CSGALNACT1: variants seen among roughly 807,000 people sequenced by gnomAD.
The protein encoded by CSGALNACT1 is beta4GalNAcT-1.
A neutral mutation model predicts 51.0 loss-of-function variants in CSGALNACT1; 52 were observed. The ratio of observed to expected loss-of-function variants is 1.02; its 90% CI spans 0.82 to 1.29. The LOEUF is 1.29. Among genes scored for constraint, CSGALNACT1 ranks in the 50% most tolerant of loss-of-function variants. The pLI, the probability that CSGALNACT1 is intolerant of heterozygous loss-of-function variation, is 0.00. For synonymous variants in CSGALNACT1, 341 were observed against 254.4 expected (o/e 1.34, Z -3.24); for missense variants, 935 against 679.2 (o/e 1.38, Z -4.19).
At chr8:19,635,081 T>C (rs1323560353) in intron 1 of CSGALNACT1, among the ~76,000 whole-genome samples, 1 of 152,192 alleles carries the variant, frequency 6.6e-6, no homozygotes, top group African/African-American at 2.4e-5. Context: ...AATTAAGTGG[T>C]TATGGTCCTT....
At chr8:19,664,359 A>C (rs912008713) in intron 1 of CSGALNACT1, among the ~76,000 whole-genome samples, 4 of 152,220 alleles carry the variant, frequency 2.6e-5, no homozygotes, top group African/African-American at 9.6e-5. Context: ...GGAGGTGCAG[A>C]AAAGGCAACA....
At chr8:19,612,946 G>GAAAAAAAAAAAAAAAAAAAAAAAAAAAA (rs1165754811) in intron 1 of CSGALNACT1, among the ~76,000 whole-genome samples, 1 of 15,428 alleles carries the variant, frequency 6.5e-5, no homozygotes, top group African/African-American at 1.4e-4. Flanking sequence ...AAAGCAGCTG[G>GAAAAAAAAAAAAAAAAAAAAAAAAAAAA]AAAAAAAAAA....
chr8:19,742,674 A>G (rs1474053144), intron 1 of CSGALNACT1, among the ~76,000 whole-genome samples: 1 of 152,230 alleles, frequency 6.6e-6, no homozygotes, highest in East Asian at 1.9e-4. Flanking sequence ...ATATCACCCT[A>G]GACAGATGCA....
At chr8:19,571,538 A>G (rs6980558) in intron 3 of CSGALNACT1, among the ~76,000 whole-genome samples, 20,040 of 151,596 alleles carry the variant, frequency 0.13, 1,669 homozygotes, top group African/African-American at 0.24. Context: ...CCCAACTAAT[A>G]TGGCTAATAC....
chr8:19,562,755 G>A (rs1351238495), intron 3 of CSGALNACT1, among the ~76,000 whole-genome samples: 1 of 152,146 alleles, frequency 6.6e-6, no homozygotes, highest in Non-Finnish European at 1.5e-5. Context: ...AGTCAGAATG[G>A]TGATTATTAC....
intron 6 of CSGALNACT1, among the ~76,000 whole-genome samples, chr8:19,432,785 A>G (rs2059830987): frequency 6.6e-6 from 1 of 152,154 alleles, no homozygotes; most frequent in African/African-American, 2.4e-5. Flanking sequence ...TCTTTTAAAT[A>G]GTTTCTACTT....
intron 4 of CSGALNACT1, among the ~76,000 whole-genome samples, chr8:19,497,535 G>C (rs1258990236): frequency 2.0e-5 from 3 of 152,092 alleles, no homozygotes; most frequent in Non-Finnish European, 2.9e-5. Flanking sequence ...ATCTGACGGA[G>C]AATTTAAAAC....
chr8:19,639,463 T>TA (rs1263289368), intron 1 of CSGALNACT1, among the ~76,000 whole-genome samples: 1 of 152,212 alleles, frequency 6.6e-6, no homozygotes, highest in Admixed American at 6.5e-5. Context: ...AAAGAGTTGC[T>TA]AAAATCTACT....
At chr8:19,496,989 C>T (rs748917604) in intron 4 of CSGALNACT1, among the ~76,000 whole-genome samples, 5 of 152,110 alleles carry the variant, frequency 3.3e-5, no homozygotes, top group Non-Finnish European at 5.9e-5. Flanking sequence ...CTCCCCCTCC[C>T]GCCTCCCCTC....
intron 1 of CSGALNACT1, among the ~76,000 whole-genome samples, chr8:19,612,626 G>A (rs2052423882): frequency 6.6e-6 from 1 of 152,082 alleles, no homozygotes; most frequent in Non-Finnish European, 1.5e-5. Flanking sequence ...CTTTCAAGGA[G>A]TGAAAAGGAG....
chr8:19,591,892 A>G (rs1279980230), intron 2 of CSGALNACT1, among the ~76,000 whole-genome samples: 2 of 152,196 alleles, frequency 1.3e-5, no homozygotes, highest in Non-Finnish European at 2.9e-5. Context: ...GTATTTTTAA[A>G]AATCTGCCAT....
At chr8:19,681,541 T>C (rs918683984) in intron 1 of CSGALNACT1, among the ~76,000 whole-genome samples, 4 of 152,140 alleles carry the variant, frequency 2.6e-5, no homozygotes, top group African/African-American at 9.7e-5. Context: ...TGGGTCTGCA[T>C]CAGGTAAGTG....
At chr8:19,637,016 C>T (rs892555773) in intron 1 of CSGALNACT1, among the ~76,000 whole-genome samples, 6 of 149,092 alleles carry the variant, frequency 4.0e-5, no homozygotes, top group Non-Finnish European at 3.0e-5. Flanking sequence ...ATGGAGAAAC[C>T]CTGTTCTCTA....
intron 1 of CSGALNACT1, among the ~76,000 whole-genome samples, chr8:19,672,223 C>G (rs1552779): frequency 0.49 from 73,844 of 152,100 alleles, 18,780 homozygotes; most frequent in Middle Eastern, 0.6. Flanking sequence ...GCTTTCCCAT[C>G]TCTCCATCAG....
At chr8:19,479,806 GCC>G (rs2070845489) in intron 4 of CSGALNACT1, among the ~76,000 whole-genome samples, 1 of 30,474 alleles carries the variant, frequency 3.3e-5, no homozygotes, top group South Asian at 1.1e-3. Flanking sequence ...TCACACTAAT[GCC>G]TGTCTTCAGG....
upstream of CSGALNACT1, chr8:19,683,068 G>C: frequency 4.2e-6 from 1 of 239,342 alleles, no homozygotes; most frequent in Non-Finnish European, 8.5e-6. Flanking sequence ...GGATGGACGG[G>C]AACAGATAGG....
intron 5 of CSGALNACT1, among the ~76,000 whole-genome samples, chr8:19,456,159 CCTGTTTTA>C (rs2064044928): frequency 6.6e-6 from 1 of 152,160 alleles, no homozygotes; most frequent in Non-Finnish European, 1.5e-5. Flanking sequence ...TTCCTGTTTT[CCTGTTTTA>C]TTGCTATTGT....
intron 1 of CSGALNACT1, among the ~76,000 whole-genome samples, chr8:19,664,246 G>C (rs748649481): frequency 6.6e-6 from 1 of 152,172 alleles, no homozygotes; most frequent in Non-Finnish European, 1.5e-5. Flanking sequence ...CAGGATTGCA[G>C]GATGAATAAA....
At chr8:19,742,663 A>C (rs2064387453) in intron 1 of CSGALNACT1, among the ~76,000 whole-genome samples, 1 of 152,226 alleles carries the variant, frequency 6.6e-6, no homozygotes, top group Non-Finnish European at 1.5e-5. Flanking sequence ...CCAATGAAAA[A>C]ATATCACCCT....
Sources: allele counts gnomAD v4.1 joint callset (sites outside exome capture counted in the v4.1 genomes callset), GRCh38; gene constraint gnomAD v4.1.1; transcripts MANE v1.5; gene names NCBI Gene and HGNC (gene_info 2026-07-23, HGNC 2026-07-21).